The following CAMSAP2 variants were observed in gnomAD, a reference collection of about 807,000 sequenced individuals.
CAMSAP2 encodes calmodulin regulated spectrin associated protein family member 2, also known as calmodulin-regulated spectrin-associated protein 2.
CAMSAP2 carries 26 observed loss-of-function variants against 146.1 expected under a neutral mutation model. The ratio of observed to expected loss-of-function variants is 0.18; its 90% CI spans 0.13 to 0.25. CAMSAP2 has a LOEUF of 0.25. Among genes scored for constraint, CAMSAP2 ranks in the 10% least tolerant of loss-of-function variants. The pLI is 1.00. For synonymous variants in CAMSAP2, 499 were observed against 596.6 expected (o/e 0.84, Z 2.38); for missense variants, 1,381 against 1,759.3 (o/e 0.78, Z 3.85).
chr1:200,751,042 A>G (rs1479973416), intron 1 of CAMSAP2, among the ~76,000 whole-genome samples: 4 of 151,398 alleles, frequency 2.6e-5, no homozygotes, highest in African/African-American at 9.7e-5. Flanking sequence ...AGCTGGGATT[A>G]CAGGCACGTG....
chr1:200,817,269 C>CAT (rs1375761580), intron 4 of CAMSAP2, among the ~76,000 whole-genome samples: 1 of 101,066 alleles, frequency 9.9e-6, no homozygotes, highest in African/African-American at 3.6e-5. Context: ...TATATACACA[C>CAT]ATATATATAT....
chr1:200,759,754 C>G (rs1664749680), intron 1 of CAMSAP2, among the ~76,000 whole-genome samples: 1 of 152,130 alleles, frequency 6.6e-6, no homozygotes, highest in Non-Finnish European at 1.5e-5. Context: ...CTATCAGGTT[C>G]TATAATTGCA....
rs897146170 is a variant in CAMSAP2, at chr1:200,832,385, A to C, written c.787+44A>C. The C allele has an allele frequency of 1.7e-5, 26 of 1,554,662 alleles. No homozygotes were observed. The highest frequency in any genetic ancestry group is 2.2e-5 in the Non-Finnish European group (25 of 1,150,092). On this transcript the variant is annotated intron_variant, in intron 5 of 16. Coordinates refer to ENST00000358823, the MANE Select transcript of CAMSAP2 (RefSeq NM_203459.4). This position sits in a 1 kb window ranked among gnomAD's most constrained non-coding sequence, Gnocchi z 4.2. Reference sequence around the variant, plus strand: ...TACTTCTGAACTGTAGACAGATAGTAACCAATATTTAAGACAGTATTATTT... The same window carrying C: ...TACTTCTGAACTGTAGACAGATAGTCACCAATATTTAAGACAGTATTATTT...
intron 4 of CAMSAP2, among the ~76,000 whole-genome samples, chr1:200,828,163 T>C (rs1258395748): frequency 2.0e-5 from 3 of 152,160 alleles, no homozygotes; most frequent in African/African-American, 7.2e-5. Context: ...TTGGGGAATA[T>C]TGCCTTGTCA....
intron 6 of CAMSAP2, among the ~76,000 whole-genome samples, chr1:200,836,101 C>T (rs1667178786): frequency 6.6e-6 from 1 of 151,064 alleles, no homozygotes; most frequent in Non-Finnish European, 1.5e-5. Flanking sequence ...TTAATTCAAT[C>T]TTATTTTAAA....
intron 10 of CAMSAP2, 150 bp downstream of exon 10, chr1:200,847,859 A>T (rs1400184042): frequency 2.3e-6 from 2 of 852,674 alleles, no homozygotes; most frequent in South Asian, 1.8e-5. Flanking sequence ...ATAGAGATGT[A>T]AAAGAGGCTA....
chr1:200,741,580 AAG>A (rs1199779390), intron 1 of CAMSAP2, among the ~76,000 whole-genome samples: 7 of 152,252 alleles, frequency 4.6e-5, no homozygotes, highest in South Asian at 2.1e-4. Context: ...CAAAGGGAAT[AAG>A]AGAAATATTT....
chr1:200,838,351 T>A (rs949143990), intron 6 of CAMSAP2, among the ~76,000 whole-genome samples: 1 of 152,178 alleles, frequency 6.6e-6, no homozygotes, highest in African/African-American at 2.4e-5. Flanking sequence ...AAAACCAATT[T>A]TATACTTTGG....
intron 2 of CAMSAP2, among the ~76,000 whole-genome samples, chr1:200,795,669 G>C (rs943498712): frequency 3.3e-5 from 5 of 152,116 alleles, no homozygotes; most frequent in African/African-American, 1.2e-4. Flanking sequence ...TATTAAGTTT[G>C]CAATAAAGCT....
chr1:200,836,574 G>C (rs768255207), intron 6 of CAMSAP2, among the ~76,000 whole-genome samples: 16 of 152,082 alleles, frequency 1.1e-4, no homozygotes, highest in Non-Finnish European at 2.2e-4. Flanking sequence ...TGTCTTTTTG[G>C]TGGAATGATT....
intron 2 of CAMSAP2, among the ~76,000 whole-genome samples, chr1:200,805,876 C>T (rs1368436468): frequency 4.6e-5 from 7 of 151,942 alleles, no homozygotes; most frequent in African/African-American, 1.7e-4. Flanking sequence ...GTTTAGACTT[C>T]GTTATGTAGA....
intron 4 of CAMSAP2, among the ~76,000 whole-genome samples, chr1:200,818,867 C>T (rs1371632660): frequency 6.6e-6 from 1 of 152,202 alleles, no homozygotes; most frequent in East Asian, 1.9e-4. Context: ...CTCTTTCCAT[C>T]TACTTCAGTC....
chr1:200,801,519 A>AC (rs1666036327), intron 2 of CAMSAP2, among the ~76,000 whole-genome samples: 1 of 152,158 alleles, frequency 6.6e-6, no homozygotes, highest in Non-Finnish European at 1.5e-5. Flanking sequence ...AATATCCTGA[A>AC]GAGTGTTTTC....
chr1:200,759,223 T>TA (rs991466937), intron 1 of CAMSAP2, among the ~76,000 whole-genome samples: 6 of 152,036 alleles, frequency 3.9e-5, no homozygotes, highest in African/African-American at 1.2e-4. Context: ...TCCCTCTCCT[T>TA]ACGTTTAGAA....
intron 1 of CAMSAP2, among the ~76,000 whole-genome samples, chr1:200,741,268 GAATA>G (rs1477941296): frequency 5.3e-5 from 8 of 152,152 alleles, no homozygotes; most frequent in African/African-American, 1.7e-4. Flanking sequence ...CTGGCATCAG[GAATA>G]AATATAGTAA....
At chr1:200,834,645 G>T (rs1667140280) in intron 6 of CAMSAP2, among the ~76,000 whole-genome samples, 1 of 152,202 alleles carries the variant, frequency 6.6e-6, no homozygotes, top group South Asian at 2.1e-4. Flanking sequence ...CTGGTGCGGT[G>T]GCTCATGCCT....
intron 9 of CAMSAP2, 88 bp downstream of exon 9, chr1:200,847,380 C>T: frequency 1.9e-6 from 2 of 1,045,222 alleles, no homozygotes; most frequent in Non-Finnish European, 2.8e-6. Context: ...AAACAAATAT[C>T]CAGGGTTTTT....
chr1:200,852,288 T>G (rs1439779509), intron 11 of CAMSAP2, among the ~76,000 whole-genome samples: 1 of 152,222 alleles, frequency 6.6e-6, no homozygotes, highest in Non-Finnish European at 1.5e-5. Flanking sequence ...TTTTTATGGT[T>G]GTTCTTTGCA....
intron 3 of CAMSAP2, among the ~76,000 whole-genome samples, chr1:200,808,043 A>C (rs543858652): frequency 2.6e-5 from 4 of 152,284 alleles, no homozygotes; most frequent in Admixed American, 2.0e-4. Flanking sequence ...CGCCTGGCCA[A>C]TATTTATAAT....
Sources: allele counts gnomAD v4.1 joint callset (sites outside exome capture counted in the v4.1 genomes callset), GRCh38; gene constraint gnomAD v4.1.1; non-coding constraint Gnocchi (gnomAD v3.1); transcripts MANE v1.5; gene names NCBI Gene and HGNC (gene_info 2026-07-23, HGNC 2026-07-21).